The following PTPRT variants were observed in gnomAD, a reference collection of about 807,000 sequenced individuals.
PTPRT encodes protein tyrosine phosphatase receptor type T, also known as receptor-type tyrosine-protein phosphatase T.
Under a neutral mutation model 176.8 loss-of-function variants are expected in PTPRT, and 56 were observed. That is an observed-to-expected ratio of 0.32 (90% CI 0.26 to 0.40). The LOEUF (loss-of-function observed/expected upper bound fraction) is 0.40. Among genes scored for constraint, PTPRT ranks in the 10% least tolerant of loss-of-function variants. The pLI is 1.00. For synonymous variants in PTPRT, 783 were observed against 739.0 expected, an observed-to-expected ratio of 1.06 and a Z score of -0.96; for missense variants, 1,540 against 1,908.2, an observed-to-expected ratio of 0.81 and a Z score of 3.60.
chr20:43,145,521 T>C (rs2014144116), intron 1 of PTPRT, among the ~76,000 whole-genome samples: 1 of 152,208 alleles, frequency 6.6e-6, no homozygotes, highest in African/African-American at 2.4e-5. Context: ...TGTTAAACCA[T>C]CTCATACCCA....
intron 7 of PTPRT, among the ~76,000 whole-genome samples, chr20:42,516,254 T>C (rs994011884): frequency 3.2e-4 from 48 of 149,524 alleles, no homozygotes; most frequent in African/African-American, 1.1e-3. Context: ...TAAAGTATAA[T>C]AAAAAAATAA....
At chr20:42,537,904 A>T (rs1346628933) in intron 7 of PTPRT, among the ~76,000 whole-genome samples, 1 of 152,216 alleles carries the variant, frequency 6.6e-6, no homozygotes, top group Non-Finnish European at 1.5e-5. Flanking sequence ...AGCATAAGGT[A>T]TACCACCAAT....
At chr20:42,977,338 G>A (rs1983010916) in intron 1 of PTPRT, among the ~76,000 whole-genome samples, 1 of 152,170 alleles carries the variant, frequency 6.6e-6, no homozygotes, top group African/African-American at 2.4e-5. Context: ...CACCCAGCTA[G>A]TAAATGCAAA....
At chr20:42,727,996 A>G (rs1027464239) in intron 6 of PTPRT, among the ~76,000 whole-genome samples, 1 of 152,076 alleles carries the variant, frequency 6.6e-6, no homozygotes, top group Non-Finnish European at 1.5e-5. Context: ...CTCCATCCAG[A>G]GGCTCTCTTC....
chr20:42,537,728 C>T (rs2072501433), intron 7 of PTPRT, among the ~76,000 whole-genome samples: 1 of 152,160 alleles, frequency 6.6e-6, no homozygotes, highest in Non-Finnish European at 1.5e-5. Context: ...AGACGTGCTC[C>T]CTGTTTTCAT....
chr20:43,066,049 C>A (rs1378850553), intron 1 of PTPRT, among the ~76,000 whole-genome samples: 2 of 152,158 alleles, frequency 1.3e-5, no homozygotes, highest in Non-Finnish European at 2.9e-5. Context: ...TAGCTACCAG[C>A]CAGTTTATTC....
At chr20:42,515,942 A>G (rs1429793327) in intron 7 of PTPRT, among the ~76,000 whole-genome samples, 1 of 150,252 alleles carries the variant, frequency 6.7e-6, no homozygotes, top group Admixed American at 6.7e-5. Context: ...TGATGAGTTC[A>G]TGTCCTTTGT....
At chr20:42,560,209 A>G (rs1200522766) in intron 7 of PTPRT, among the ~76,000 whole-genome samples, 2 of 152,144 alleles carry the variant, frequency 1.3e-5, no homozygotes, top group African/African-American at 2.4e-5. Context: ...GGTTGCCTCA[A>G]TGGGCTCTTG....
intron 1 of PTPRT, among the ~76,000 whole-genome samples, chr20:43,071,875 G>A (rs970025929): frequency 1.3e-5 from 2 of 152,218 alleles, no homozygotes; most frequent in Non-Finnish European, 2.9e-5. Context: ...TTTCCCACAG[G>A]GAGGCAATGC....
intron 2 of PTPRT, among the ~76,000 whole-genome samples, chr20:42,872,867 T>C (rs1205086334): frequency 6.6e-6 from 1 of 152,142 alleles, no homozygotes; most frequent in Admixed American, 6.5e-5. Flanking sequence ...AGTCTGAGGT[T>C]AGTGACAGAT....
chr20:42,181,759 G>A (rs527921625), intron 16 of PTPRT, among the ~76,000 whole-genome samples: 17 of 152,198 alleles, frequency 1.1e-4, no homozygotes, highest in African/African-American at 4.1e-4. Context: ...GTAGAAGCCC[G>A]GACAGAAGTT....
At chr20:42,431,117 G>A (rs989686985) in intron 9 of PTPRT, among the ~76,000 whole-genome samples, 3 of 152,298 alleles carry the variant, frequency 2.0e-5, no homozygotes, top group Non-Finnish European at 2.9e-5. Flanking sequence ...GGACAGCTAG[G>A]ACTACAATAC....
intron 12 of PTPRT, among the ~76,000 whole-genome samples, chr20:42,298,424 T>C (rs1225578652): frequency 6.6e-6 from 1 of 152,160 alleles, no homozygotes; most frequent in Non-Finnish European, 1.5e-5. Context: ...AGGAAGGAAA[T>C]TTAGTGACAT....
chr20:42,411,517 CAAAAAAA>C (rs10591184), intron 9 of PTPRT, among the ~76,000 whole-genome samples: 11 of 88,298 alleles, frequency 1.2e-4, no homozygotes, highest in African/African-American at 3.1e-4. Context: ...AACCCTGTCT[CAAAAAAA>C]AAAAAAAAAA....
intron 1 of PTPRT, among the ~76,000 whole-genome samples, chr20:42,993,083 T>TGA (rs1984012344): frequency 6.6e-6 from 1 of 152,174 alleles, no homozygotes; most frequent in African/African-American, 2.4e-5. Flanking sequence ...GGACACAAAC[T>TGA]GAGGCATGAC....
intron 2 of PTPRT, among the ~76,000 whole-genome samples, chr20:42,813,239 T>A (rs1444314815): frequency 6.6e-6 from 1 of 152,212 alleles, no homozygotes; most frequent in East Asian, 1.9e-4. Context: ...CCTCGCTTTA[T>A]TGACCTGGTG....
At chr20:43,064,819 A>G (rs1987619090) in intron 1 of PTPRT, among the ~76,000 whole-genome samples, 1 of 152,202 alleles carries the variant, frequency 6.6e-6, no homozygotes, top group African/African-American at 2.4e-5. Context: ...TCCCAAAGAA[A>G]AGGTTAATGG....
chr20:42,315,598 T>G, intron 12 of PTPRT, 125 bp downstream of exon 12: 49 of 1,094,146 alleles, frequency 4.5e-5, no homozygotes, highest in South Asian at 6.5e-5. Flanking sequence ...TTTAAAGGCA[T>G]GAGGTAGGAT....
At chr20:42,434,065 T>C (rs758187920) in intron 9 of PTPRT, among the ~76,000 whole-genome samples, 3 of 151,610 alleles carry the variant, frequency 2.0e-5, no homozygotes, top group Non-Finnish European at 2.9e-5. Context: ...TTGGGCATAG[T>C]GAAAATTAAA....
Sources: gnomAD v4.1 joint callset for allele counts (sites outside exome capture counted in the v4.1 genomes callset) on GRCh38, gnomAD v4.1.1 for gene constraint, MANE v1.5 for transcripts, NCBI Gene and HGNC (gene_info 2026-07-23, HGNC 2026-07-21) for gene names.